The following PDE8B variants were observed in gnomAD, a reference collection of about 807,000 sequenced individuals.
PDE8B encodes phosphodiesterase 8B, also known as high affinity cAMP-specific and IBMX-insensitive 3',5'-cyclic phosphodiesterase 8B.
Under a neutral mutation model 101.3 loss-of-function variants are expected in PDE8B, and 26 were observed. That is an observed-to-expected ratio of 0.26 (90% CI 0.19 to 0.36). The LOEUF is 0.36. Among genes scored for constraint, PDE8B ranks in the 10% least tolerant of loss-of-function variants. PDE8B has a pLI of 1.00. For missense variants in PDE8B, 810 were observed against 1,163.1 expected, an observed-to-expected ratio of 0.70 and a Z score of 4.42; for synonymous variants, 424 against 429.3, an observed-to-expected ratio of 0.99 and a Z score of 0.15.
chr5:77,243,168 C>T (rs1358649521), intron 1 of PDE8B, among the ~76,000 whole-genome samples: 1 of 152,044 alleles, frequency 6.6e-6, no homozygotes, highest in Non-Finnish European at 1.5e-5. Flanking sequence ...GTAGCTTGAG[C>T]CTAACTTTTT....
the PDE8B span, among the ~76,000 whole-genome samples, chr5:77,177,848 A>G: frequency 1.3e-5 from 2 of 152,254 alleles, no homozygotes; most frequent in African/African-American, 4.8e-5. Flanking sequence ...TGTTATCAGA[A>G]TGGCATGCAA....
the PDE8B span, among the ~76,000 whole-genome samples, chr5:77,197,815 G>A: frequency 6.6e-6 from 1 of 151,890 alleles, no homozygotes; most frequent in Non-Finnish European, 1.5e-5. Context: ...TTCAGAACTT[G>A]TATTTTTCAT....
At chr5:77,180,412 G>C in the PDE8B span, 30 of 983,850 alleles carry the variant, frequency 3.0e-5, no homozygotes, top group Non-Finnish European at 3.4e-5. Context: ...CGCCAGGCAC[G>C]GGCACCACCA....
Position 77,249,125 on chromosome 5 carries a change from T to G in PDE8B, c.339+37861T>G, listed in dbSNP as rs181574913. ...GATTAATCCATTTATATAACCAATATCTGGCTGGAGAGACCTTTAAATCTT... is the reference window on the plus strand; with the variant it reads ...GATTAATCCATTTATATAACCAATAGCTGGCTGGAGAGACCTTTAAATCTT... On this transcript the variant is annotated intron_variant, in intron 1 of 21. Coordinates refer to ENST00000264917, the MANE Select transcript of PDE8B (RefSeq NM_003719.5). Among the ~76,000 whole-genome samples the G allele has an allele frequency of 2.6e-5, 4 of 152,346 alleles. No individual in the cohort carries two copies. The East Asian group carries it at 7.7e-4, about 29-fold the overall frequency.
chr5:77,386,865 C>CTTTTTTTTTTT lies in PDE8B; in HGVS notation c.1168-13364_1168-13354dup, dbSNP rs59393259. Among the ~76,000 whole-genome samples the CTTTTTTTTTTT allele has an allele frequency of 3.1e-3, 156 of 51,082 alleles. 20 individuals are homozygous for CTTTTTTTTTTT. The highest frequency in any genetic ancestry group is 4.0e-3 in the East Asian group (5 of 1,260). 33.5% of individuals were successfully genotyped at this position (51,082 alleles called of 152,430 possible). A position where few individuals can be genotyped will look rare whatever the true frequency, so the allele number is the denominator to read the frequency against. On this transcript the variant is annotated intron_variant, in intron 10 of 21. Transcript: ENST00000264917. ...TTTTGCCTGTTAGTTGATGTAGTTT[C>CTTTTTTTTTTT]TTTTTTTTTTTTTTTTTTTTTTTTT...
chr5:77,305,156 G>GAC (rs1024504053), intron 1 of PDE8B, among the ~76,000 whole-genome samples: 2 of 152,212 alleles, frequency 1.3e-5, no homozygotes, highest in Non-Finnish European at 2.9e-5. Context: ...AAAAGTTGAA[G>GAC]ACACTTGGGC....
chr5:77,330,475 A>G (rs975553148), intron 4 of PDE8B, among the ~76,000 whole-genome samples: 2 of 152,230 alleles, frequency 1.3e-5, no homozygotes, highest in African/African-American at 4.8e-5. Context: ...ATAAAACATT[A>G]TTAATACCCT....
intron 10 of PDE8B, among the ~76,000 whole-genome samples, chr5:77,399,202 G>A (rs1370751615): frequency 6.6e-6 from 1 of 152,238 alleles, no homozygotes; most frequent in African/African-American, 2.4e-5. Flanking sequence ...TGATGTAAGG[G>A]CAGGATTTAC....
At chr5:77,337,644 T>C (rs1300574085) in intron 6 of PDE8B, among the ~76,000 whole-genome samples, 1 of 152,192 alleles carries the variant, frequency 6.6e-6, no homozygotes, top group African/African-American at 2.4e-5. Flanking sequence ...CTACTTTCAA[T>C]ATTTATACAT....
intron 1 of PDE8B, among the ~76,000 whole-genome samples, chr5:77,301,616 G>A (rs188581722): frequency 2.0e-5 from 3 of 152,202 alleles, no homozygotes; most frequent in South Asian, 2.1e-4. Context: ...GAAGTCATCC[G>A]GCAGTGTCTA....
intron 10 of PDE8B, among the ~76,000 whole-genome samples, chr5:77,386,344 G>T (rs1359345947): frequency 6.6e-6 from 1 of 152,140 alleles, no homozygotes; most frequent in South Asian, 2.1e-4. Context: ...TTAATTTTCT[G>T]TCTTGTTGAT....
intron 7 of PDE8B, among the ~76,000 whole-genome samples, chr5:77,348,080 C>A (rs1780470263): frequency 6.6e-6 from 1 of 152,150 alleles, no homozygotes; most frequent in Non-Finnish European, 1.5e-5. Context: ...TTCCAAACCC[C>A]TTCAACTCTC....
chr5:77,203,514 CTGGGTGGA>C, the PDE8B span, among the ~76,000 whole-genome samples: 6 of 152,122 alleles, frequency 3.9e-5, no homozygotes, highest in African/African-American at 1.4e-4. Flanking sequence ...GGCTGGCTGG[CTGGGTGGA>C]TGGATGGATG....
chr5:77,415,315 C>T (rs1795293202), intron 17 of PDE8B, among the ~76,000 whole-genome samples: 1 of 149,754 alleles, frequency 6.7e-6, no homozygotes, highest in South Asian at 2.1e-4. Flanking sequence ...TCTCTTGTGT[C>T]ATCTGTCACC....
chr5:77,416,515 G>A (rs1795589203), intron 17 of PDE8B, among the ~76,000 whole-genome samples: 1 of 152,226 alleles, frequency 6.6e-6, no homozygotes, highest in Non-Finnish European at 1.5e-5. Flanking sequence ...AATGATGCTT[G>A]CTTGCCCTGG....
intron 10 of PDE8B, among the ~76,000 whole-genome samples, chr5:77,391,539 C>A (rs923275946): frequency 1.3e-5 from 2 of 152,218 alleles, no homozygotes; most frequent in African/African-American, 2.4e-5. Flanking sequence ...TGGCCCAGAG[C>A]CACCTCAGCA....
chr5:77,297,238 C>T (rs1218659488), intron 1 of PDE8B, among the ~76,000 whole-genome samples: 4 of 152,218 alleles, frequency 2.6e-5, no homozygotes, highest in Non-Finnish European at 4.4e-5. Context: ...GACCTAATCA[C>T]GTCTTAAAGA....
chr5:77,178,590 G>A, the PDE8B span, among the ~76,000 whole-genome samples: 2 of 152,296 alleles, frequency 1.3e-5, no homozygotes, highest in East Asian at 3.9e-4. Context: ...GAAGGACAAA[G>A]TATATTCGTT....
chr5:77,095,066 T>C, the PDE8B span, among the ~76,000 whole-genome samples: 9 of 152,222 alleles, frequency 5.9e-5, no homozygotes, highest in African/African-American at 2.2e-4. Context: ...CCTAAAGATT[T>C]TCTATGAAAC....
Sources: gnomAD v4.1 joint callset for allele counts (sites outside exome capture counted in the v4.1 genomes callset) on GRCh38, gnomAD v4.1.1 for gene constraint, MANE v1.5 for transcripts, NCBI Gene and HGNC (gene_info 2026-07-23, HGNC 2026-07-21) for gene names.